The following MFGE8 variants were observed in gnomAD, a reference collection of about 807,000 sequenced individuals.
The protein encoded by MFGE8 is milk fat globule EGF and factor V/VIII domain containing, also known as lactadherin.
Under a neutral mutation model 42.6 loss-of-function variants are expected in MFGE8, and 34 were observed. That is an observed-to-expected ratio of 0.80 (90% CI 0.61 to 1.06). The LOEUF (loss-of-function observed/expected upper bound fraction) is 1.06, where lower values mean the gene tolerates loss of function less well. Ranked by LOEUF, MFGE8 falls within the 50% of genes least tolerant of loss-of-function variation. The probability of loss-of-function intolerance (pLI) is 0.00; values close to 1 mark genes in which losing one functional copy is unlikely to be tolerated. For synonymous variants in MFGE8, 230 were observed against 214.8 expected, an observed-to-expected ratio of 1.07 and a Z score of -0.62; for missense variants, 510 against 516.9, an observed-to-expected ratio of 0.99 and a Z score of 0.13.
Position 88,899,404 on chromosome 15 carries a change from C to T in MFGE8, c.1155G>A (p.Leu385=), listed in dbSNP as rs147372521. ...HNRIALRLEL[L]GC is the part of the protein sequence containing the mutation. Reference sequence around the variant, plus strand: ...GGGTGGCAGGTGGCCACTAACAGCCCAGCAGCTCCAGGCGCAGGGCGATGC... The same window carrying T: ...GGGTGGCAGGTGGCCACTAACAGCCTAGCAGCTCCAGGCGCAGGGCGATGC... Residue 385 remains leucine (L), a synonymous_variant, in exon 8 of 8, where the codon CTG becomes CTA. Coordinates refer to ENST00000268150, the MANE Select transcript of MFGE8 (RefSeq NM_005928.4). The surrounding 1 kb of genome is among the most constrained non-coding windows in gnomAD (Gnocchi z 6.8). The T allele has an allele frequency of 4.6e-5, 74 of 1,614,006 alleles. No individual in the cohort carries two copies. The highest frequency in any genetic ancestry group is 5.9e-6 in the Non-Finnish European group (7 of 1,180,006).
intron 2 of MFGE8, among the ~76,000 whole-genome samples, chr15:88,908,895 C>T (rs1041371776): frequency 1.3e-5 from 2 of 152,184 alleles, no homozygotes; most frequent in Admixed American, 1.3e-4. Flanking sequence ...GGCTCAAGCC[C>T]CCCGCCCCCT....
chr15:88,912,926 T>G (rs1899034994), intron 1 of MFGE8: 1 of 985,218 alleles, frequency 1.0e-6, no homozygotes, highest in Non-Finnish European at 1.2e-6. Context: ...CGCAGTTCCC[T>G]GGCCTCATTT....
At chr15:88,912,122 AC>A (rs2141729415) in intron 1 of MFGE8, 1 of 1,289,750 alleles carries the variant, frequency 7.8e-7, no homozygotes, top group Non-Finnish European at 1.0e-6. Context: ...CAGCCACGTT[AC>A]CTGTGTGTAA....
At chr15:88,907,059 A>ATACT in intron 3 of MFGE8, 136 bp downstream of exon 3, 2 of 1,160,636 alleles carry the variant, frequency 1.7e-6, no homozygotes, top group Non-Finnish European at 2.5e-6. Context: ...CCACTTACAG[A>ATACT]TACTTCATCC....
intron 2 of MFGE8, among the ~76,000 whole-genome samples, chr15:88,907,712 C>CCT (rs1555414379): frequency 2.6e-5 from 4 of 151,034 alleles, no homozygotes; most frequent in African/African-American, 7.3e-5. Flanking sequence ...AGAGTCCCCC[C>CCT]CGCCAGGCTG....
rs761098373 is a variant in MFGE8 at position 88,913,375 on chromosome 15, G to C, written c.-56C>G. The C allele has an allele frequency of 1.6e-5, 20 of 1,261,858 alleles. No homozygotes were observed. Among genetic ancestry groups the C allele is most frequent in the Non-Finnish European group, 2.1e-5 (20 of 974,370 alleles). The allele number at this position is 1,261,858 out of a possible 1,614,324, so 78.2% of individuals were successfully genotyped here. On this transcript the variant is annotated 5_prime_UTR_variant, in exon 1 of 8. Transcript: ENST00000268150. ...CGCTGGGCTGCTCAGACCCCGCGGGGTTCTGGCGCCTTCTCCTCTGGGACC... is the reference window on the plus strand; with the variant it reads ...CGCTGGGCTGCTCAGACCCCGCGGGCTTCTGGCGCCTTCTCCTCTGGGACC...
chr15:88,900,874 C>T (rs1183744249), intron 6 of MFGE8: 1 of 400,246 alleles, frequency 2.5e-6, no homozygotes, highest in Non-Finnish European at 3.3e-6. Context: ...ATGTCTCCCT[C>T]TTCCGCCTCC....
At chr15:88,909,214 C>T (rs548034484) in intron 2 of MFGE8, among the ~76,000 whole-genome samples, 5 of 152,304 alleles carry the variant, frequency 3.3e-5, no homozygotes, top group South Asian at 4.1e-4. Flanking sequence ...GCAGGTCACA[C>T]GCGGACAGCC....
intron 1 of MFGE8, 31 bp downstream of exon 1, chr15:88,913,216 C>A: frequency 6.7e-7 from 1 of 1,487,500 alleles, no homozygotes; most frequent in Non-Finnish European, 8.9e-7. Context: ...GGAGGAGGGG[C>A]GAGGGGCAGA....
At position 88,903,934 on chromosome 15, in the gene MFGE8, T is replaced by A. The variant is rs936906386; in HGVS notation, c.685+1823A>T. 1 of 152,306 alleles carries A rather than the reference T, an allele frequency of 6.6e-6. No homozygotes were observed. The highest frequency in any genetic ancestry group is 2.1e-4 in the South Asian group (1 of 4,832). The allele number at this position is 152,306 out of a possible 1,614,324, so 9.4% of individuals were successfully genotyped here. A position where few individuals can be genotyped will look rare whatever the true frequency, so the allele number is the denominator to read the frequency against. On this transcript the variant is annotated intron_variant, in intron 5 of 7. Transcript: ENST00000268150. The surrounding 1 kb of genome is among the most constrained non-coding windows in gnomAD (Gnocchi z 4.9). ...CAACATGCCCCAGGGCCTTTGCATT[T>A]ACCAATTCCTTGCCTGCAGTGCTCT... is the stretch of plus-strand genomic sequence containing the variant.
At position 88,906,046 on chromosome 15, in the gene MFGE8, AC is replaced by A; in HGVS notation, c.541-146del. 1 of 927,474 alleles carries A rather than the reference AC, an allele frequency of 1.1e-6. No individual in the cohort carries two copies. 57.5% of individuals were successfully genotyped at this position (927,474 alleles called of 1,614,324 possible). A position where few individuals can be genotyped will look rare whatever the true frequency, so the allele number is the denominator to read the frequency against. On this transcript the variant is annotated intron_variant, in intron 4 of 7. Coordinates refer to ENST00000268150, the MANE Select transcript of MFGE8 (RefSeq NM_005928.4). The surrounding 1 kb of genome is among the most constrained non-coding windows in gnomAD (Gnocchi z 4.2). ...GACTTGGAAGAGCCAGCAGAGGCTC[AC>A]ACAGCAGCCTCTCCTTTGGCCACCC...
chr15:88,901,153 ACACACACATT>A (rs1435506052), intron 6 of MFGE8, among the ~76,000 whole-genome samples: 1 of 94,520 alleles, frequency 1.1e-5, no homozygotes, highest in Non-Finnish European at 2.6e-5. Flanking sequence ...ACACATTCTC[ACACACACATT>A]CACACACATT....
Position 88,899,695 on chromosome 15 carries a change from G to A in MFGE8, c.987C>T (p.Asn329=), listed in dbSNP as rs1028149083. 3 of 1,614,100 alleles carry A rather than the reference G, an allele frequency of 1.9e-6. No homozygotes were observed. Among genetic ancestry groups the A allele is most frequent in the Non-Finnish European group, 2.5e-6 (3 of 1,180,054 alleles). The change falls in exon 7 of 8, where the codon AAC becomes AAT. Residue 329 remains asparagine, a synonymous_variant. Coordinates refer to ENST00000268150, the MANE Select transcript of MFGE8 (RefSeq NM_005928.4). The surrounding 1 kb of genome is among the most constrained non-coding windows in gnomAD (Gnocchi z 6.8). The part of the protein sequence containing the change: ...YKVAYSNDSA[N]WTEYQDPRTG... ...TCCTGGGGTCCTGGTACTCAGTCCA[G>A]TTCGCACTGTCATTACTGTAGGCAA...
Position 88,913,250 on chromosome 15 carries a change from G to A in MFGE8, c.70C>T (p.Leu24=). ...GAGGGCGGCGCGATCCACTCACCCA[G>A]GGCGACGAGGAGGCTGGGGGCGCAG... is the stretch of plus-strand genomic sequence containing the variant. ...LLCAPSLLVA[L]DICSKNPCHN... is the part of the protein sequence containing the mutation. The change falls in exon 1 of 8, where the codon CTG becomes TTG. Residue 24 remains leucine (L), a synonymous_variant. Transcript: ENST00000268150. The A allele has an allele frequency of 6.6e-7, 1 of 1,505,848 alleles. No homozygotes were observed. Among genetic ancestry groups the A allele is most frequent in the Non-Finnish European group, 8.8e-7 (1 of 1,135,134 alleles). The allele number at this position is 1,505,848 out of a possible 1,614,324, so 93.3% of individuals were successfully genotyped here.
Position 88,898,830 on chromosome 15 carries a change from C to G in MFGE8, c.*565G>C, listed in dbSNP as rs541425430. ...TCTCCCCATAGACCCGCCCCACCCC[C>G]TTCTGTGTCGCTGGGCTTCAGGACA... is the stretch of plus-strand genomic sequence containing the variant. On this transcript the variant is annotated 3_prime_UTR_variant, in exon 8 of 8. Transcript: ENST00000268150. 1.1e-5 allele frequency: 2 copies of G among 175,230 alleles called. No individual in the cohort carries two copies. Among genetic ancestry groups the G allele is most frequent in the South Asian group, 1.4e-4 (1 of 7,396 alleles). 10.9% of individuals were successfully genotyped at this position (175,230 alleles called of 1,614,324 possible). A position where few individuals can be genotyped will look rare whatever the true frequency, so the allele number is the denominator to read the frequency against.
rs1567213137 is a variant in MFGE8, at chr15:88,899,873, C to T, written c.871-62G>A. On this transcript the variant is annotated intron_variant, in intron 6 of 7. Coordinates refer to ENST00000268150, the MANE Select transcript of MFGE8 (RefSeq NM_005928.4). This position sits in a 1 kb window ranked among gnomAD's most constrained non-coding sequence, Gnocchi z 6.8. ...CCATCTCCAGTAAGGTGAAAAGAGGCAGACACACTGAGGCATGAATTCTAG... is the reference window on the plus strand; with the variant it reads ...CCATCTCCAGTAAGGTGAAAAGAGGTAGACACACTGAGGCATGAATTCTAG... 6 of 1,591,658 alleles carry T rather than the reference C, an allele frequency of 3.8e-6. No homozygotes were observed. The African/African-American group carries it at 6.7e-5, about 18-fold the overall frequency.
chr15:88,904,136 C>T (rs1898557732), intron 5 of MFGE8: 1 of 152,278 alleles, frequency 6.6e-6, no homozygotes, highest in Non-Finnish European at 1.5e-5. Flanking sequence ...CTGTCATCTG[C>T]TCCTCGCCTC....
intron 5 of MFGE8, chr15:88,904,737 C>A (rs967197988): frequency 6.6e-6 from 1 of 152,256 alleles, no homozygotes; most frequent in African/African-American, 2.4e-5. Flanking sequence ...AAACACTGAA[C>A]CCAGCCAGGC....
chr15:88,902,085 C>G lies in MFGE8; in HGVS notation c.686-350G>C, dbSNP rs918748315. 3.4e-5 allele frequency: 12 copies of G among 353,844 alleles called. No homozygotes were observed. Among genetic ancestry groups the G allele is most frequent in the African/African-American group, 1.9e-4 (9 of 47,368 alleles). 21.9% of individuals were successfully genotyped at this position (353,844 alleles called of 1,614,324 possible). ...ACCTCCTCCAAGAAGTCTGCCCTGA[C>G]TACTTCACTTGGGCAGGATTTCTTC... is the stretch of plus-strand genomic sequence containing the variant. On this transcript the variant is annotated intron_variant, in intron 5 of 7. Transcript: ENST00000268150. The surrounding 1 kb of genome is among the most constrained non-coding windows in gnomAD (Gnocchi z 4.3).
Sources: gnomAD v4.1 joint callset for allele counts (sites outside exome capture counted in the v4.1 genomes callset) on GRCh38, gnomAD v4.1.1 for gene constraint, Gnocchi (gnomAD v3.1) non-coding constraint, MANE v1.5 for transcripts, NCBI Gene and HGNC (gene_info 2026-07-23, HGNC 2026-07-21) for gene names.